Variants in STIL observed in about 807,000 individuals in gnomAD.
The protein encoded by STIL is STIL centriolar assembly protein.
A neutral mutation model predicts 110.1 loss-of-function variants in STIL; 55 were observed. The ratio of observed to expected loss-of-function variants is 0.50; its 90% CI spans 0.40 to 0.63. The LOEUF (loss-of-function observed/expected upper bound fraction) is 0.63. Ranked by LOEUF, STIL falls within the 20% of genes least tolerant of loss-of-function variation. The probability of loss-of-function intolerance (pLI) is 0.00; values close to 1 mark genes in which losing one functional copy is unlikely to be tolerated. For synonymous variants in STIL, 481 were observed against 530.0 expected (o/e 0.91, Z 1.27); for missense variants, 1,358 against 1,530.0 (o/e 0.89, Z 1.87).
At chr1:47,290,898 T>C (rs993927133) in intron 8 of STIL, among the ~76,000 whole-genome samples, 7 of 152,134 alleles carry the variant, frequency 4.6e-5, no homozygotes, top group Non-Finnish European at 8.8e-5. Context: ...CTCCCCTTCC[T>C]TCACTCCTCT....
At chr1:47,254,367 A>T (rs948430656) in intron 16 of STIL, among the ~76,000 whole-genome samples, 2 of 152,074 alleles carry the variant, frequency 1.3e-5, no homozygotes, top group Non-Finnish European at 2.9e-5. Flanking sequence ...ATTTATCCAG[A>T]CATTATTCTT....
intron 8 of STIL, among the ~76,000 whole-genome samples, chr1:47,291,102 G>A (rs1645474891): frequency 6.6e-6 from 1 of 152,220 alleles, no homozygotes. Context: ...GCTCACGCCT[G>A]TAATCGCAGC....
Position 47,251,550 on chromosome 1 carries a change from T to C in STIL, c.3453A>G (p.Glu1151=). The C allele has an allele frequency of 1.2e-6, 2 of 1,614,178 alleles. No individual in the cohort carries two copies. Among genetic ancestry groups the C allele is most frequent in the Non-Finnish European group, 1.7e-6 (2 of 1,180,024 alleles). The change falls in exon 17 of 17, where the codon GAA becomes GAG. Residue 1151 remains glutamate (E), a synonymous_variant. Transcript: ENST00000371877. Reference sequence around the variant, plus strand: ...ACCTAAGGTTCTGATTCAATAAATATTCACTCTTGCTATCTGCATTGTCGG... The same window carrying C: ...ACCTAAGGTTCTGATTCAATAAATACTCACTCTTGCTATCTGCATTGTCGG... ...EPPDNADSKS[E]YLLNQNLRSI...
rs1240325637 is a variant in STIL, at chr1:47,287,608, C to T, written c.1076G>A (p.Ser359Asn). 2 of 1,612,724 alleles carry T rather than the reference C, an allele frequency of 1.2e-6. No individual in the cohort carries two copies. The highest frequency in any genetic ancestry group is 1.7e-6 in the Non-Finnish European group (2 of 1,179,352). ...GAAAAACTCTGTTTCTGCATTTTGGCTTTCAGCGCTCAGTTCACAACGGAT... is the reference window on the plus strand; with the variant it reads ...GAAAAACTCTGTTTCTGCATTTTGGTTTTCAGCGCTCAGTTCACAACGGAT... Reference protein sequence around the residue: ...NPIRCELSAESQNAETEFFSK... With the variant: ...NPIRCELSAENQNAETEFFSK... Residue 359 changes from serine to asparagine, a missense_variant, in exon 10 of 17, where the codon AGC becomes AAC. By Grantham distance (46) the Ser-to-Asn change is conservative (BLOSUM62 1). Transcript: ENST00000371877.
In STIL at chr1:47,251,046, G is replaced by C; in HGVS notation, c.*90C>G. 7.8e-7 allele frequency: 1 copy of C among 1,289,910 alleles called. No individual in the cohort carries two copies. Among genetic ancestry groups the C allele is most frequent in the Non-Finnish European group, 1.1e-6 (1 of 928,092 alleles). 79.9% of individuals were successfully genotyped at this position (1,289,910 alleles called of 1,614,324 possible). The stretch of plus-strand genomic sequence containing the variant: ...TACCAAGAAACAGTGACTCCAGAAT[G>C]ATCAGGAGCCTTGTGGTAGGCTCCT... On this transcript the variant is annotated 3_prime_UTR_variant, in exon 17 of 17. Coordinates refer to ENST00000371877, the MANE Select transcript of STIL (RefSeq NM_001048166.1).
intron 14 of STIL, among the ~76,000 whole-genome samples, chr1:47,268,673 A>C (rs561678656): frequency 2.0e-5 from 3 of 151,490 alleles, no homozygotes; most frequent in African/African-American, 7.2e-5. Flanking sequence ...CAGGAGAATC[A>C]CTTGAACCCA....
At position 47,251,438 on chromosome 1, in the gene STIL, T is replaced by A; in HGVS notation, c.3565A>T (p.Thr1189Ser). The change falls in exon 17 of 17, where the codon ACC becomes TCC. Residue 1189 changes from threonine (T) to serine (S), a missense_variant. By Grantham distance (58) the Thr-to-Ser change is moderately conservative (BLOSUM62 1). Transcript: ENST00000371877. ...INCSNCESVGTNADTPVLRNI... is the reference protein window; with the variant it reads ...INCSNCESVGSNADTPVLRNI... ...CTCAATACTGGCGTATCTGCGTTGGTCCCCACAGATTCACAGTTAGAACAA... is the reference window on the plus strand; with the variant it reads ...CTCAATACTGGCGTATCTGCGTTGGACCCCACAGATTCACAGTTAGAACAA... 1 of 1,614,202 alleles carries A rather than the reference T, an allele frequency of 6.2e-7. No homozygotes were observed. The highest frequency in any genetic ancestry group is 1.1e-5 in the South Asian group (1 of 91,084).
At chr1:47,252,724 A>G (rs964258785) in intron 16 of STIL, among the ~76,000 whole-genome samples, 1 of 151,854 alleles carries the variant, frequency 6.6e-6, no homozygotes, top group Non-Finnish European at 1.5e-5. Flanking sequence ...ATAGTTGAAG[A>G]GATTCCATTT....
At chr1:47,261,233 C>T (rs1408243897) in intron 15 of STIL, among the ~76,000 whole-genome samples, 1 of 151,178 alleles carries the variant, frequency 6.6e-6, no homozygotes, top group Non-Finnish European at 1.5e-5. Flanking sequence ...AATAAAAATA[C>T]AAAAATTAGC....
At chr1:47,300,282 C>T (rs1207007447) in intron 5 of STIL, 130 bp from the exon 6 acceptor site, 1 of 905,756 alleles carries the variant, frequency 1.1e-6, no homozygotes, top group Non-Finnish European at 1.6e-6. Flanking sequence ...TTCTGATTTA[C>T]AGCATTTCAG....
Position 47,307,315 on chromosome 1 carries a change from T to C in STIL, c.45-2319A>G, listed in dbSNP as rs559111453. Reference sequence around the variant, plus strand: ...TGAGTGACAGAGTGAGACTCTGTCTTGTTGCGGGAAGTCAGGGACCCCAAA... The same window carrying C: ...TGAGTGACAGAGTGAGACTCTGTCTCGTTGCGGGAAGTCAGGGACCCCAAA... On this transcript the variant is annotated intron_variant, in intron 2 of 16. Transcript: ENST00000371877. Among the ~76,000 whole-genome samples the C allele has an allele frequency of 1.1e-3, 175 of 152,220 alleles. 1 individual carries two copies. Among genetic ancestry groups the C allele is most frequent in the African/African-American group, 4.0e-3 (168 of 41,548 alleles).
chr1:47,267,706 G>A (rs77945555), intron 14 of STIL, among the ~76,000 whole-genome samples: 2 of 52,910 alleles, frequency 3.8e-5, no homozygotes, highest in Non-Finnish European at 1.0e-4. Context: ...TTTAGAATCC[G>A]TTTTTTGTTT....
At chr1:47,259,224 G>T (rs1224312759) in intron 16 of STIL, among the ~76,000 whole-genome samples, 1 of 148,766 alleles carries the variant, frequency 6.7e-6, no homozygotes, top group African/African-American at 2.5e-5. Flanking sequence ...CTGACCTCGT[G>T]ATCCGCCCAC....
chr1:47,286,930 C>T (rs1645318281), intron 10 of STIL, among the ~76,000 whole-genome samples: 1 of 151,998 alleles, frequency 6.6e-6, no homozygotes, highest in African/African-American at 2.4e-5. Context: ...AGGATGTTGG[C>T]CAGGCTGGTC....
intron 1 of STIL, chr1:47,312,918 C>G (rs370688514): frequency 1.3e-5 from 2 of 152,222 alleles, no homozygotes; most frequent in African/African-American, 4.8e-5. Context: ...TCCATACCCA[C>G]CACCTTAGTT....
intron 16 of STIL, 114 bp downstream of exon 16, chr1:47,260,175 G>A: frequency 9.0e-7 from 1 of 1,108,554 alleles, no homozygotes. Context: ...TTTCTGATGA[G>A]ATTGCCACAA....
chr1:47,302,200 C>A (rs370457450), intron 4 of STIL, 34 bp downstream of exon 4: 14 of 1,491,894 alleles, frequency 9.4e-6, no homozygotes, highest in Non-Finnish European at 1.2e-5. Flanking sequence ...GGATTACAGG[C>A]GTGAGCACTG....
chr1:47,275,008 C>T (rs1422468427), intron 12 of STIL, among the ~76,000 whole-genome samples: 6 of 151,662 alleles, frequency 4.0e-5, no homozygotes, highest in East Asian at 1.9e-4. Flanking sequence ...AAAAATTAGC[C>T]GGGCATGGTG....
rs570439607 is a variant in STIL at position 47,298,627 on chromosome 1, A to G, written c.701+1278T>C. ...GGTTCATAATTAGGTTATAGTTAAG[A>G]AAAAAAAAAGGCCTAAAACCTAAAT... On this transcript the variant is annotated intron_variant, in intron 6 of 16. Transcript: ENST00000371877. Among the ~76,000 whole-genome samples the G allele has an allele frequency of 2.2e-3, 321 of 146,830 alleles. 2 individuals carry two copies. The highest frequency in any genetic ancestry group is 3.9e-3 in the Non-Finnish European group (262 of 67,404).
Sources: gnomAD v4.1 joint callset for allele counts (sites outside exome capture counted in the v4.1 genomes callset) on GRCh38, gnomAD v4.1.1 for gene constraint, MANE v1.5 for transcripts, NCBI Gene and HGNC (gene_info 2026-07-23, HGNC 2026-07-21) for gene names.